FGF12: variants seen among roughly 807,000 people sequenced by gnomAD.
The protein encoded by FGF12 is fibroblast growth factor 12B.
FGF12 carries 14 observed loss-of-function variants against 23.6 expected under a neutral mutation model. The ratio of observed to expected loss-of-function variants is 0.59; its 90% confidence interval spans 0.39 to 0.93. FGF12 has a LOEUF of 0.93. FGF12 is among the 40% of genes least tolerant of loss of function. The probability of loss-of-function intolerance (pLI) is 0.00; values close to 1 mark genes in which losing one functional copy is unlikely to be tolerated. For synonymous variants in FGF12, 62 were observed against 77.3 expected (o/e 0.80, Z 1.04); for missense variants, 175 against 217.8 (o/e 0.80, Z 1.24).
intron 2 of FGF12, among the ~76,000 whole-genome samples, chr3:192,623,395 T>C (rs1377234497): frequency 2.0e-5 from 3 of 149,914 alleles, no homozygotes; most frequent in African/African-American, 5.0e-5. Flanking sequence ...GCTTGGTATC[T>C]GAATGCCAGT....
In FGF12 at chr3:192,616,830, G is replaced by T. The variant is rs138598979; in HGVS notation, c.13+110351C>A. ...CATCAATTTATTTTGTGATCAACTT[G>T]TATCATCCACTCTTTAGAGAGTTAA... is the stretch of plus-strand genomic sequence containing the variant. On this transcript the variant is annotated intron_variant, in intron 2 of 5. Transcript: ENST00000445105. Among the ~76,000 whole-genome samples, 400 of 151,634 alleles carry T rather than the reference G, an allele frequency of 2.6e-3. 3 individuals are homozygous for T. Among genetic ancestry groups the T allele is most frequent in the African/African-American group, 9.1e-3 (376 of 41,382 alleles).
intron 2 of FGF12, among the ~76,000 whole-genome samples, chr3:192,668,967 T>C (rs866764056): frequency 4.6e-5 from 7 of 152,236 alleles, no homozygotes; most frequent in African/African-American, 1.4e-4. Context: ...GAAATTAGAA[T>C]AAGCAAATAA....
intron 2 of FGF12, among the ~76,000 whole-genome samples, chr3:192,386,486 C>T (rs1006877229): frequency 6.6e-6 from 1 of 152,000 alleles, no homozygotes. Context: ...CCTCACCATC[C>T]AAAACAGCAT....
intron 2 of FGF12, among the ~76,000 whole-genome samples, chr3:192,487,600 T>C (rs923916583): frequency 2.0e-5 from 3 of 152,124 alleles, no homozygotes; most frequent in Non-Finnish European, 4.4e-5. Flanking sequence ...AGGGGCAGGG[T>C]ATTGTATACA....
chr3:192,377,242 G>T (rs568405664), intron 2 of FGF12, among the ~76,000 whole-genome samples: 2 of 152,226 alleles, frequency 1.3e-5, no homozygotes, highest in South Asian at 4.1e-4. Flanking sequence ...GCCTCACACG[G>T]GTCTGACACC....
intron 2 of FGF12, among the ~76,000 whole-genome samples, chr3:192,389,337 TG>T (rs1009337679): frequency 4.7e-4 from 71 of 152,292 alleles, no homozygotes; most frequent in African/African-American, 1.7e-3. Flanking sequence ...CACTCCAGCC[TG>T]GCTACAGAGT....
intron 2 of FGF12, among the ~76,000 whole-genome samples, chr3:192,664,284 A>G (rs1716774040): frequency 6.6e-6 from 1 of 152,180 alleles, no homozygotes; most frequent in South Asian, 2.1e-4. Context: ...GCAACTGAGA[A>G]GCATTGAGTG....
intron 4 of FGF12, among the ~76,000 whole-genome samples, chr3:192,205,127 C>T (rs532532962): frequency 6.6e-5 from 10 of 152,074 alleles, no homozygotes; most frequent in Non-Finnish European, 1.3e-4. Flanking sequence ...CAAATTATGA[C>T]AGCCATTAGA....
chr3:192,427,346 T>G (rs1721719826), intron 2 of FGF12, among the ~76,000 whole-genome samples: 1 of 150,946 alleles, frequency 6.6e-6, no homozygotes, highest in Non-Finnish European at 1.5e-5. Context: ...GCCATTGCAC[T>G]TCAGCCTGGG....
At position 192,405,365 on chromosome 3, in the gene FGF12, T is replaced by C. The variant is rs1023885672; in HGVS notation, c.14-44827A>G. Among the ~76,000 whole-genome samples, 5 of 151,234 alleles carry C rather than the reference T, an allele frequency of 3.3e-5. No individual in the cohort carries two copies. In the South Asian group the frequency reaches 6.2e-4, roughly 19 times the overall value. ...AAAAAAGAGAAGGAGAGATACTCAA[T>C]GTGTCAGCCCTGAAATCAGAAATAC... is the stretch of plus-strand genomic sequence containing the variant. On this transcript the variant is annotated intron_variant, in intron 2 of 5. Coordinates refer to ENST00000445105, the MANE Select transcript of FGF12 (RefSeq NM_004113.6).
chr3:192,523,688 T>C (rs930824480), intron 2 of FGF12, among the ~76,000 whole-genome samples: 1 of 152,246 alleles, frequency 6.6e-6, no homozygotes, highest in Admixed American at 6.5e-5. Context: ...CAATATTCAT[T>C]TCTATTCACT....
chr3:192,378,225 C>T (rs1439127076), intron 2 of FGF12, among the ~76,000 whole-genome samples: 1 of 149,668 alleles, frequency 6.7e-6, no homozygotes, highest in Non-Finnish European at 1.5e-5. Flanking sequence ...ATTCTCCCGC[C>T]TTAGCCTCCT....
intron 2 of FGF12, among the ~76,000 whole-genome samples, chr3:192,596,843 A>G (rs1713878822): frequency 6.6e-6 from 1 of 152,228 alleles, no homozygotes. Flanking sequence ...CCACCCAATT[A>G]ATCAGCATCA....
At chr3:192,698,980 T>C (rs553423524) in intron 2 of FGF12, among the ~76,000 whole-genome samples, 1 of 152,354 alleles carries the variant, frequency 6.6e-6, no homozygotes, top group South Asian at 2.1e-4. Context: ...ATGTTAATGC[T>C]TTAAAGAGAG....
intron 2 of FGF12, among the ~76,000 whole-genome samples, chr3:192,719,402 T>C (rs960565473): frequency 4.6e-5 from 7 of 152,234 alleles, no homozygotes; most frequent in African/African-American, 1.7e-4. Context: ...GGTCTTGCTA[T>C]ATTTGCATAA....
intron 2 of FGF12, among the ~76,000 whole-genome samples, chr3:192,511,414 C>T (rs750154295): frequency 1.3e-5 from 2 of 152,154 alleles, no homozygotes; most frequent in African/African-American, 4.8e-5. Flanking sequence ...TGATGAGGAA[C>T]CTGCAATTTT....
At chr3:192,321,857 TATC>T (rs1346798170) in intron 4 of FGF12, among the ~76,000 whole-genome samples, 6 of 152,096 alleles carry the variant, frequency 3.9e-5, no homozygotes, top group African/African-American at 1.2e-4. Context: ...CCACAGCTGG[TATC>T]ATACTGAACA....
intron 4 of FGF12, among the ~76,000 whole-genome samples, chr3:192,196,553 CAA>C (rs75176785): frequency 6.8e-6 from 1 of 146,268 alleles, no homozygotes; most frequent in African/African-American, 2.5e-5. Context: ...GCCTGGGAGA[CAA>C]AAAAAAAATC....
intron 2 of FGF12, among the ~76,000 whole-genome samples, chr3:192,684,317 A>G (rs573606259): frequency 6.6e-6 from 1 of 152,352 alleles, no homozygotes; most frequent in Non-Finnish European, 1.5e-5. Flanking sequence ...GATCTGTGAT[A>G]CAATGTTAGT....
Sources: allele counts gnomAD v4.1 joint callset (sites outside exome capture counted in the v4.1 genomes callset), GRCh38; gene constraint gnomAD v4.1.1; transcripts MANE v1.5; gene names NCBI Gene and HGNC (gene_info 2026-07-23, HGNC 2026-07-21).